The following REDIC1 variants were observed in gnomAD, a reference collection of about 807,000 sequenced individuals.
The protein encoded by REDIC1 is HEI10 Interacting Protein 1.
the REDIC1 span, among the ~76,000 whole-genome samples, chr12:39,751,451 G>T: frequency 1.3e-5 from 2 of 152,206 alleles, no homozygotes; most frequent in Admixed American, 6.5e-5. Flanking sequence ...TACACTGTTG[G>T]TGGGACTGTA....
At chr12:39,832,101 T>C in the REDIC1 span, among the ~76,000 whole-genome samples, 2 of 152,108 alleles carry the variant, frequency 1.3e-5, no homozygotes, top group Non-Finnish European at 2.9e-5. Flanking sequence ...GAGAGGCCAT[T>C]CAAATGTACT....
the REDIC1 span, among the ~76,000 whole-genome samples, chr12:39,839,814 C>A: frequency 6.6e-6 from 1 of 152,104 alleles, no homozygotes; most frequent in East Asian, 1.9e-4. Context: ...CAGAACTACA[C>A]TTCCAATTGC....
chr12:39,894,811 C>T, the REDIC1 span, among the ~76,000 whole-genome samples: 1 of 149,994 alleles, frequency 6.7e-6, no homozygotes, highest in African/African-American at 2.5e-5. Context: ...CAGGGAGATG[C>T]AAGAAAGATA....
chr12:39,706,695 C>T, the REDIC1 span, among the ~76,000 whole-genome samples: 1 of 151,776 alleles, frequency 6.6e-6, no homozygotes, highest in Non-Finnish European at 1.5e-5. Context: ...AACCCAGAAA[C>T]AATTCCACAC....
At chr12:39,676,916 C>T in the REDIC1 span, among the ~76,000 whole-genome samples, 1 of 151,970 alleles carries the variant, frequency 6.6e-6, no homozygotes, top group South Asian at 2.1e-4. Flanking sequence ...TTCACCACTA[C>T]CAAGCCAGCA....
the REDIC1 span, among the ~76,000 whole-genome samples, chr12:39,706,428 CATT>C: frequency 6.6e-6 from 1 of 151,952 alleles, no homozygotes; most frequent in Non-Finnish European, 1.5e-5. Context: ...ATACCAATGA[CATT>C]ATTAACAGAA....
chr12:39,667,045 G>GT, the REDIC1 span, among the ~76,000 whole-genome samples: 1,257 of 151,894 alleles, frequency 8.3e-3, 18 homozygotes, highest in African/African-American at 0.028. Flanking sequence ...TTTTTGAAGG[G>GT]TTTTTTGTGT....
the REDIC1 span, among the ~76,000 whole-genome samples, chr12:39,840,520 G>C: frequency 6.6e-6 from 1 of 151,944 alleles, no homozygotes. Context: ...GTGGGTGCTA[G>C]CCAGTCCAAA....
At chr12:39,644,568 A>G in the REDIC1 span, among the ~76,000 whole-genome samples, 17 of 151,926 alleles carry the variant, frequency 1.1e-4, no homozygotes, top group African/African-American at 1.9e-4. Context: ...ATAGAAATTG[A>G]TCAGAGTATT....
the REDIC1 span, chr12:39,682,715 A>C: frequency 6.2e-7 from 1 of 1,613,344 alleles, no homozygotes; most frequent in Non-Finnish European, 8.5e-7. Context: ...ACTGAAAAAC[A>C]CTCAATACAG....
chr12:39,808,024 T>C, the REDIC1 span, among the ~76,000 whole-genome samples: 4 of 152,180 alleles, frequency 2.6e-5, no homozygotes, highest in Admixed American at 2.6e-4. Flanking sequence ...ATTTTACGTG[T>C]AAGTCAATGA....
the REDIC1 span, among the ~76,000 whole-genome samples, chr12:39,818,011 T>G: frequency 2.6e-5 from 4 of 152,328 alleles, no homozygotes; most frequent in South Asian, 8.3e-4. Context: ...TCAAGTAGTA[T>G]CTCTTTATGG....
chr12:39,784,064 C>G, the REDIC1 span, among the ~76,000 whole-genome samples: 5 of 151,938 alleles, frequency 3.3e-5, no homozygotes, highest in East Asian at 1.9e-4. Flanking sequence ...CACTGCTCAA[C>G]GAAATAAAAG....
chr12:39,895,061 G>A, the REDIC1 span, among the ~76,000 whole-genome samples: 1 of 151,946 alleles, frequency 6.6e-6, no homozygotes, highest in Admixed American at 6.6e-5. Context: ...TTGAGATGGG[G>A]TCTCACTATG....
At chr12:39,626,252 G>C in the REDIC1 span, 1 of 1,507,012 alleles carries the variant, frequency 6.6e-7, no homozygotes, top group Non-Finnish European at 9.2e-7. Flanking sequence ...GGCCCTGGGG[G>C]ATCCTGCTGA....
the REDIC1 span, among the ~76,000 whole-genome samples, chr12:39,885,451 A>AT: frequency 6.6e-6 from 1 of 152,090 alleles, no homozygotes; most frequent in Non-Finnish European, 1.5e-5. Flanking sequence ...TATTTGGTAT[A>AT]TTTTTTCCTT....
chr12:39,713,052 TAC>T, the REDIC1 span, among the ~76,000 whole-genome samples: 1 of 145,608 alleles, frequency 6.9e-6, no homozygotes, highest in Non-Finnish European at 1.5e-5. Context: ...CATGTGTATA[TAC>T]GTGTATATGT....
chr12:39,626,518 C>G, the REDIC1 span, among the ~76,000 whole-genome samples: 6 of 152,266 alleles, frequency 3.9e-5, no homozygotes, highest in African/African-American at 1.4e-4. Flanking sequence ...AGAACCATAT[C>G]TCTACTCCTC....
At chr12:39,871,716 G>A in the REDIC1 span, 2 of 1,354,114 alleles carry the variant, frequency 1.5e-6, no homozygotes, top group African/African-American at 1.5e-5. Context: ...TAGAAGTGGT[G>A]TAAGTATTGT....
Sources: gnomAD v4.1 joint callset for allele counts (sites outside exome capture counted in the v4.1 genomes callset) on GRCh38, gnomAD v4.1.1 for gene constraint, MANE v1.5 for transcripts, NCBI Gene and HGNC (gene_info 2026-07-23, HGNC 2026-07-21) for gene names.